Variants in TXNDC15 observed in about 807,000 individuals in gnomAD.
TXNDC15 encodes thioredoxin domain containing 15.
TXNDC15 carries 24 observed loss-of-function variants against 35.0 expected under a neutral mutation model. The ratio of observed to expected loss-of-function variants is 0.68; its 90% CI spans 0.50 to 0.96. The LOEUF (loss-of-function observed/expected upper bound fraction) is 0.96, where lower values mean the gene tolerates loss of function less well. Among genes scored for constraint, TXNDC15 ranks in the 40% least tolerant of loss-of-function variants. The pLI is 0.00. For synonymous variants in TXNDC15, 169 were observed against 174.0 expected, an observed-to-expected ratio of 0.97 and a Z score of 0.23; for missense variants, 385 against 453.3, an observed-to-expected ratio of 0.85 and a Z score of 1.37.
intron 1 of TXNDC15, among the ~76,000 whole-genome samples, chr5:134,884,251 CT>C (rs1192746499): frequency 3.2e-4 from 45 of 139,342 alleles, no homozygotes; most frequent in Admixed American, 4.3e-4. Context: ...ACAATTTGAT[CT>C]TTTTTTTTTT....
At chr5:134,892,897 C>T (rs1750415882) in intron 2 of TXNDC15, 1 of 152,804 alleles carries the variant, frequency 6.5e-6, no homozygotes, top group Non-Finnish European at 1.5e-5. Context: ...TCACTGTCTT[C>T]TATGGGTACA....
chr5:134,882,448 G>T lies in TXNDC15; in HGVS notation c.104-5247G>T, dbSNP rs1354313251. Among the ~76,000 whole-genome samples the T allele has an allele frequency of 2.0e-5, 3 of 152,292 alleles. No individual in the cohort carries two copies. The East Asian group carries it at 5.8e-4, about 29-fold the overall frequency. ...TCACTTCCCAGACAGGGTGGCGGCCGGGCAGAGGCTGCAATCTCGGCACTT... is the reference window on the plus strand; with the variant it reads ...TCACTTCCCAGACAGGGTGGCGGCCTGGCAGAGGCTGCAATCTCGGCACTT... On this transcript the variant is annotated intron_variant, in intron 1 of 4. Coordinates refer to ENST00000358387, the MANE Select transcript of TXNDC15 (RefSeq NM_024715.4).
intron 1 of TXNDC15, among the ~76,000 whole-genome samples, chr5:134,884,964 C>T (rs2150186429): frequency 6.6e-6 from 1 of 151,358 alleles, no homozygotes. Flanking sequence ...CTCTTGTTGC[C>T]CAGGCTGGAG....
At chr5:134,886,647 G>A (rs1750280935) in intron 1 of TXNDC15, among the ~76,000 whole-genome samples, 1 of 152,260 alleles carries the variant, frequency 6.6e-6, no homozygotes, top group Admixed American at 6.5e-5. Context: ...CCCAAGGGCA[G>A]CAGCCCAAGG....
intron 2 of TXNDC15, chr5:134,892,326 C>T (rs1429780401): frequency 6.6e-6 from 1 of 152,202 alleles, no homozygotes; most frequent in Non-Finnish European, 1.5e-5. Flanking sequence ...AGTTTCCTCA[C>T]CTCTCTCAGC....
chr5:134,874,364 A>C (rs566996630), upstream of TXNDC15: 6 of 1,420,446 alleles, frequency 4.2e-6, no homozygotes, highest in Admixed American at 8.7e-5. Context: ...CTCCTCCCCC[A>C]GCCTTCCTCC....
At chr5:134,883,452 A>G (rs540270584) in intron 1 of TXNDC15, among the ~76,000 whole-genome samples, 2 of 151,730 alleles carry the variant, frequency 1.3e-5, no homozygotes, top group East Asian at 3.9e-4. Flanking sequence ...AACAAAGACA[A>G]AATAATTAGC....
In TXNDC15 at chr5:134,896,205, T is replaced by C. The variant is rs6892589; in HGVS notation, c.756-89T>C. The C allele has an allele frequency of 8.5e-4, 1,253 of 1,469,956 alleles. 7 individuals carry two copies. In the African/African-American group the frequency reaches 0.016, roughly 19 times the overall value. 91.1% of individuals were successfully genotyped at this position (1,469,956 alleles called of 1,614,324 possible). On this transcript the variant is annotated intron_variant, in intron 3 of 4. Transcript: ENST00000358387. The stretch of plus-strand genomic sequence containing the variant: ...CCGTAGGTCACACGCAACTTCCTCA[T>C]TTATTTCTGTCTATTCTGAGATGGT...
chr5:134,895,313 A>G (rs982590974), intron 3 of TXNDC15, among the ~76,000 whole-genome samples: 2 of 152,224 alleles, frequency 1.3e-5, no homozygotes, highest in African/African-American at 4.8e-5. Flanking sequence ...GGTTATATCT[A>G]AGTGACTGGG....
intron 2 of TXNDC15, 148 bp downstream of exon 2, chr5:134,888,330 T>C: frequency 1.2e-6 from 1 of 846,474 alleles, no homozygotes; most frequent in Non-Finnish European, 1.8e-6. Flanking sequence ...AAATCAACTT[T>C]GCCCTCTGTG....
At chr5:134,887,069 C>G (rs1580863232) in intron 1 of TXNDC15, among the ~76,000 whole-genome samples, 1 of 152,218 alleles carries the variant, frequency 6.6e-6, no homozygotes, top group Admixed American at 6.5e-5. Flanking sequence ...ATTCTATTTT[C>G]CTAATGAGAT....
At chr5:134,875,565 T>A (rs368457740) in intron 1 of TXNDC15, among the ~76,000 whole-genome samples, 1 of 152,190 alleles carries the variant, frequency 6.6e-6, no homozygotes. Flanking sequence ...TGGCCCATCA[T>A]GGCTCCCTGC....
chr5:134,895,962 A>G (rs1179164741), intron 3 of TXNDC15: 3 of 185,570 alleles, frequency 1.6e-5, no homozygotes, highest in Non-Finnish European at 2.2e-5. Flanking sequence ...TTTCTGTCAA[A>G]TAAGTTGACA....
intron 2 of TXNDC15, 68 bp downstream of exon 2, chr5:134,888,250 A>G (rs974527224): frequency 2.1e-6 from 3 of 1,399,572 alleles, no homozygotes; most frequent in East Asian, 2.3e-5. Flanking sequence ...TACCCTATCA[A>G]CTTTGAAATG....
At chr5:134,881,329 C>T (rs1436276303) in intron 1 of TXNDC15, among the ~76,000 whole-genome samples, 2 of 115,350 alleles carry the variant, frequency 1.7e-5, no homozygotes, top group Non-Finnish European at 3.5e-5. Context: ...GCAGAGGACC[C>T]TGCGGCCTTC....
chr5:134,876,418 C>T (rs1750035049), intron 1 of TXNDC15, among the ~76,000 whole-genome samples: 1 of 152,176 alleles, frequency 6.6e-6, no homozygotes, highest in South Asian at 2.1e-4. Flanking sequence ...CTTGATGTTT[C>T]AAGGTTCTGT....
Position 134,889,511 on chromosome 5 carries a change from ACTGTGGCTGG to A in TXNDC15, c.591+1332_591+1341del, listed in dbSNP as rs1285140905. ...AGTGTTGGGATTACAGATGTAAGAT[ACTGTGGCTGG>A]CTAGGACAGTGTACTCTTGAATTGA... On this transcript the variant is annotated intron_variant, in intron 2 of 4. Coordinates refer to ENST00000358387, the MANE Select transcript of TXNDC15 (RefSeq NM_024715.4). Among the ~76,000 whole-genome samples, 4 of 152,356 alleles carry A rather than the reference ACTGTGGCTGG, an allele frequency of 2.6e-5. No homozygotes were observed. The East Asian group carries it at 7.7e-4, about 29-fold the overall frequency.
rs920901050 is a variant in TXNDC15 at position 134,875,099 on chromosome 5, C to T, written c.103+569C>T. 3 of 455,940 alleles carry T rather than the reference C, an allele frequency of 6.6e-6. No homozygotes were observed. The Admixed American group carries it at 7.1e-5, about 11-fold the overall frequency. The allele number at this position is 455,940 out of a possible 1,614,324, so 28.2% of individuals were successfully genotyped here. On this transcript the variant is annotated intron_variant, in intron 1 of 4. Transcript: ENST00000358387. ...CAGTCTGGAGTCCACGCTGCTGGAC[C>T]ACTGTCTTAAGGAGGCCAGTCTTGC...
At chr5:134,895,668 A>G (rs184261680) in intron 3 of TXNDC15, among the ~76,000 whole-genome samples, 1 of 152,332 alleles carries the variant, frequency 6.6e-6, no homozygotes, top group East Asian at 1.9e-4. Flanking sequence ...TAGCAAGGTT[A>G]AATAATCTGC....
Sources: gnomAD v4.1 joint callset for allele counts (sites outside exome capture counted in the v4.1 genomes callset) on GRCh38, gnomAD v4.1.1 for gene constraint, MANE v1.5 for transcripts, NCBI Gene and HGNC (gene_info 2026-07-23, HGNC 2026-07-21) for gene names.